The following CEACAM20 variants were observed in gnomAD, a reference collection of about 807,000 sequenced individuals.
The protein encoded by CEACAM20 is cell adhesion molecule CEACAM20.
In CEACAM20, 50 loss-of-function variants were observed where a neutral mutation model predicts 61.2. That is an observed-to-expected ratio of 0.82 (90% confidence interval 0.65 to 1.03). The LOEUF is 1.03. Ranked by LOEUF, CEACAM20 falls within the 50% of genes least tolerant of loss-of-function variation. The probability of loss-of-function intolerance (pLI) is 0.00; values close to 1 mark genes in which losing one functional copy is unlikely to be tolerated. For synonymous variants in CEACAM20, 282 were observed against 287.7 expected, an observed-to-expected ratio of 0.98 and a Z score of 0.20; for missense variants, 683 against 736.4, an observed-to-expected ratio of 0.93 and a Z score of 0.84.
chr19:44,524,200 C>G lies in CEACAM20; in HGVS notation c.258G>C (p.Val86=), dbSNP rs372046252. The change falls in exon 3 of 12, where the codon GTG becomes GTC. Residue 86 remains valine (V), a synonymous_variant. Transcript: ENST00000614924. ...CGTCCTTAGTGGTGCAGTAGAAGGT[C>G]ACCATGTCCTTCTGCTCTATGGCAG... ...PGTAIEQKDM[V]TFYCTTKDVN... is the part of the protein sequence containing the mutation. 3.7e-6 allele frequency: 6 copies of G among 1,613,958 alleles called. No individual in the cohort carries two copies. The highest frequency in any genetic ancestry group is 1.7e-4 in the Middle Eastern group (1 of 6,058).
chr19:44,510,643 GAAAAT>G (rs1970968308), intron 11 of CEACAM20, among the ~76,000 whole-genome samples: 1 of 150,798 alleles, frequency 6.6e-6, no homozygotes, highest in Non-Finnish European at 1.5e-5. Flanking sequence ...AGAGAAGAAA[GAAAAT>G]AAAAGGCATG....
intron 4 of CEACAM20, among the ~76,000 whole-genome samples, chr19:44,521,132 C>G (rs1256456689): frequency 1.3e-5 from 2 of 151,790 alleles, no homozygotes; most frequent in Non-Finnish European, 2.9e-5. Context: ...AATGTGTGTT[C>G]TGTGTCTGTG....
rs564185183 is a variant in CEACAM20 at position 44,525,443 on chromosome 19, T to G, written c.53-199A>C. ...TGTTTGGTTTTTGTTTGTGTATGTG[T>G]TTTTGTTTTTGTTTTTTGAGGCAGA... On this transcript the variant is annotated intron_variant, in intron 1 of 11. Transcript: ENST00000614924. Among the ~76,000 whole-genome samples, 3 of 151,926 alleles carry G rather than the reference T, an allele frequency of 2.0e-5. No individual in the cohort carries two copies. In the East Asian group the frequency reaches 5.8e-4, roughly 29 times the overall value.
intron 6 of CEACAM20, among the ~76,000 whole-genome samples, chr19:44,516,013 C>T (rs1971143479): frequency 6.6e-6 from 1 of 152,138 alleles, no homozygotes; most frequent in Non-Finnish European, 1.5e-5. Context: ...CAAATGTTCA[C>T]AACCTTCAAC....
intron 9 of CEACAM20, 106 bp downstream of exon 9, chr19:44,511,911 G>T: frequency 8.9e-7 from 1 of 1,123,202 alleles, no homozygotes; most frequent in Non-Finnish European, 1.3e-6. Flanking sequence ...GACTTAACCT[G>T]GCACTGGGTT....
chr19:44,525,772 A>G (rs1398797070), intron 1 of CEACAM20, among the ~76,000 whole-genome samples: 2 of 152,042 alleles, frequency 1.3e-5, no homozygotes, highest in African/African-American at 2.4e-5. Flanking sequence ...CTGAGCCTCA[A>G]TCTCCTCAAC....
intron 11 of CEACAM20, among the ~76,000 whole-genome samples, chr19:44,508,810 T>A (rs918994378): frequency 6.6e-6 from 1 of 152,230 alleles, no homozygotes; most frequent in Non-Finnish European, 1.5e-5. Flanking sequence ...TATATATTTT[T>A]ACTTTTTACC....
Position 44,529,618 on chromosome 19 carries a change from TC to T in CEACAM20, c.-110del. On this transcript the variant is annotated 5_prime_UTR_variant, in exon 1 of 12. Coordinates refer to ENST00000614924, the MANE Select transcript of CEACAM20 (RefSeq NM_001102597.3). ...GCCCCTCCACCTCCCTTCTCTCCTC[TC>T]CCACCCTGCTACAAACTCACACACA... 1.2e-6 allele frequency: 1 copy of T among 834,748 alleles called. No homozygotes were observed. The highest frequency in any genetic ancestry group is 1.5e-5 in the South Asian group (1 of 64,964). 51.7% of individuals were successfully genotyped at this position (834,748 alleles called of 1,614,324 possible). A position where few individuals can be genotyped will look rare whatever the true frequency, so the allele number is the denominator to read the frequency against.
At chr19:44,518,414 T>C (rs539398151) in intron 5 of CEACAM20, among the ~76,000 whole-genome samples, 4 of 152,096 alleles carry the variant, frequency 2.6e-5, no homozygotes, top group Admixed American at 6.5e-5. Flanking sequence ...AGGAAACAAA[T>C]GAAAGTAGTT....
intron 1 of CEACAM20, among the ~76,000 whole-genome samples, chr19:44,527,676 G>A (rs868479875): frequency 2.6e-5 from 4 of 152,144 alleles, no homozygotes; most frequent in African/African-American, 4.8e-5. Context: ...CTGTGGATGC[G>A]GCTGATAACT....
At chr19:44,520,324 G>A (rs768894132) in intron 5 of CEACAM20, 150 bp downstream of exon 5, 1 of 1,017,152 alleles carries the variant, frequency 9.8e-7, no homozygotes, top group Non-Finnish European at 1.4e-6. Flanking sequence ...AGCCCCCTGA[G>A]GGCAGGCACT....
At chr19:44,513,721 G>T (rs1568448953) in intron 6 of CEACAM20, among the ~76,000 whole-genome samples, 2 of 152,090 alleles carry the variant, frequency 1.3e-5, no homozygotes, top group South Asian at 2.1e-4. Context: ...GATTATAGGT[G>T]TAAGCCACTG....
At position 44,512,027 on chromosome 19, in the gene CEACAM20, C is replaced by G. The variant is rs1195832752; in HGVS notation, c.1565G>C (p.Arg522Thr). The G allele has an allele frequency of 1.9e-5, 31 of 1,609,172 alleles. No individual in the cohort carries two copies. Among genetic ancestry groups the G allele is most frequent in the Non-Finnish European group, 2.6e-5 (31 of 1,177,950 alleles). Residue 522 changes from arginine to threonine, a missense_variant, in exon 9 of 12, where the codon AGA (arginine) becomes ACA (threonine). By Grantham distance (71) the Arg-to-Thr change is moderately conservative (BLOSUM62 -1). Coordinates refer to ENST00000614924, the MANE Select transcript of CEACAM20 (RefSeq NM_001102597.3). ...RNISQLQGRIRVELMQPPDLP... is the reference protein window; with the variant it reads ...RNISQLQGRITVELMQPPDLP... ...TGCAGCATCACTCACCAGTTCGACT[C>G]TGATCCGTCCCTGAAGCTGGGATAT...
intron 5 of CEACAM20, among the ~76,000 whole-genome samples, chr19:44,518,047 T>A (rs1264542359): frequency 6.7e-6 from 1 of 148,338 alleles, no homozygotes; most frequent in Non-Finnish European, 1.5e-5. Context: ...CTGCACTCCG[T>A]CCTAGGTGAT....
Position 44,517,064 on chromosome 19 carries a change from C to T in CEACAM20, c.1191G>A (p.Leu397=). ...WTLEHSTGEH[L]GEQLIIRALT... is the part of the protein sequence containing the mutation. ...GAGCCCTGATAATCAGCTGCTCACC[C>T]AGGTGCTCCCCGGTGGAGTGTTCAA... Residue 397 remains leucine, a synonymous_variant, in exon 6 of 12, where the codon CTG becomes CTA. Transcript: ENST00000614924. The T allele has an allele frequency of 6.2e-7, 1 of 1,606,804 alleles. No individual in the cohort carries two copies. The highest frequency in any genetic ancestry group is 1.1e-5 in the South Asian group (1 of 89,630).
intron 5 of CEACAM20, among the ~76,000 whole-genome samples, chr19:44,519,054 C>T (rs1971275431): frequency 1.3e-5 from 2 of 152,068 alleles, no homozygotes; most frequent in South Asian, 2.1e-4. Context: ...GCCTCAAGGC[C>T]ATCGCACACT....
At chr19:44,513,427 G>A (rs922072234) in intron 6 of CEACAM20, 138 bp from the exon 7 acceptor site, 12 of 490,266 alleles carry the variant, frequency 2.4e-5, no homozygotes, top group Non-Finnish European at 3.9e-5. Context: ...GTATCAGATT[G>A]TGGTTTTTGG....
rs1162440559 is a variant in CEACAM20 at position 44,520,491 on chromosome 19, A to G, written c.1013T>C (p.Leu338Pro). The G allele has an allele frequency of 1.2e-6, 2 of 1,613,162 alleles. No individual in the cohort carries two copies. The highest frequency in any genetic ancestry group is 3.3e-5 in the Admixed American group (2 of 60,022). Residue 338 changes from leucine (L) to proline (P), a missense_variant, in exon 5 of 12, where the codon CTT (leucine) becomes CCT (proline). Transcript: ENST00000614924. ...TGACTCACAGTTGATGGTCAGCTCA[A>G]GGGGCTCACTCCGGGCCCGGCTGCC... ...NWGSRARSEP[L>P]ELTINYGPDQ... is the part of the protein sequence containing the mutation.
intron 11 of CEACAM20, among the ~76,000 whole-genome samples, chr19:44,509,788 G>A (rs62116888): frequency 0.11 from 17,068 of 151,954 alleles, 1,180 homozygotes; most frequent in East Asian, 0.2. Context: ...AAGAAAGAAG[G>A]GAATGGGAAA....
Sources: gnomAD v4.1 joint callset for allele counts (sites outside exome capture counted in the v4.1 genomes callset) on GRCh38, gnomAD v4.1.1 for gene constraint, MANE v1.5 for transcripts, NCBI Gene and HGNC (gene_info 2026-07-23, HGNC 2026-07-21) for gene names.